The following PRAM1 variants were observed in gnomAD, a reference collection of about 807,000 sequenced individuals.
PRAM1 encodes PML-RARA regulated adaptor molecule 1.
Under a neutral mutation model 55.3 loss-of-function variants are expected in PRAM1, and 41 were observed. The ratio of observed to expected loss-of-function variants is 0.74; its 90% CI spans 0.58 to 0.96. The LOEUF is 0.96. PRAM1 is among the 40% of genes least tolerant of loss of function. The probability of loss-of-function intolerance (pLI) is 0.00; values close to 1 mark genes in which losing one functional copy is unlikely to be tolerated. For synonymous variants in PRAM1, 401 were observed against 387.1 expected, an observed-to-expected ratio of 1.04 and a Z score of -0.42; for missense variants, 898 against 892.7, an observed-to-expected ratio of 1.01 and a Z score of -0.08.
intron 1 of PRAM1, 65 bp from the exon 2 acceptor site, chr19:8,499,845 C>T: frequency 1.4e-6 from 2 of 1,393,408 alleles, no homozygotes; most frequent in South Asian, 2.7e-5. Context: ...AAGGATGGGC[C>T]TGGGGACCCT....
At position 8,490,554 on chromosome 19, in the gene PRAM1, G is replaced by C. The variant is rs762661919; in HGVS notation, c.1906+40C>G. ...GGTGGGTTCTGAGGCCCAGGGTGGCGGCGGGGACCTCCCGGGGCTGCGGGG... is the reference window on the plus strand; with the variant it reads ...GGTGGGTTCTGAGGCCCAGGGTGGCCGCGGGGACCTCCCGGGGCTGCGGGG... On this transcript the variant is annotated intron_variant, in intron 7 of 9. Transcript: ENST00000423345. The surrounding 1 kb of genome is among the most constrained non-coding windows in gnomAD (Gnocchi z 7.3). 6.2e-7 allele frequency: 1 copy of C among 1,600,266 alleles called. No homozygotes were observed. The highest frequency in any genetic ancestry group is 8.5e-7 in the Non-Finnish European group (1 of 1,173,832).
In PRAM1 at chr19:8,502,563, A is replaced by C. The variant is rs1336106694; in HGVS notation, c.27+2T>G. 1.3e-6 allele frequency: 2 copies of C among 1,537,742 alleles called. No individual in the cohort carries two copies. The highest frequency in any genetic ancestry group is 8.7e-7 in the Non-Finnish European group (1 of 1,144,582). ...GAGGCACAGGCCTCTTCCAGCACTC[A>C]CCATGGCTGCAGGCAGGTGATGGGC... On this transcript the variant is annotated splice_donor_variant, in intron 1 of 9. Coordinates refer to ENST00000423345, the MANE Select transcript of PRAM1 (RefSeq NM_032152.5). LOFTEE classifies it high-confidence loss of function.
intron 1 of PRAM1, among the ~76,000 whole-genome samples, chr19:8,501,098 C>CTTT (rs35262115): frequency 2.5e-5 from 3 of 118,148 alleles, no homozygotes; most frequent in South Asian, 2.6e-4. Flanking sequence ...TTCTTTCTTT[C>CTTT]TTTTTTTTTT....
intron 3 of PRAM1, 144 bp from the exon 4 acceptor site, chr19:8,497,984 C>G: frequency 1.4e-6 from 1 of 733,100 alleles, no homozygotes; most frequent in Non-Finnish European, 2.2e-6. Flanking sequence ...CGGGTTCAAG[C>G]GATTCTCCTG....
Position 8,499,277 on chromosome 19 carries a change from G to A in PRAM1, c.531C>T (p.Ala177=). 1 of 1,609,852 alleles carries A rather than the reference G, an allele frequency of 6.2e-7. No individual in the cohort carries two copies. Among genetic ancestry groups the A allele is most frequent in the Non-Finnish European group, 8.5e-7 (1 of 1,177,786 alleles). Residue 177 remains alanine (A), a synonymous_variant, in exon 2 of 10, where the codon GCC becomes GCT. Transcript: ENST00000423345. ...PLQPDELSHP[A]RPPSEPKSGA... is the part of the protein sequence containing the mutation. ...CGGATTTGGGTTCGGAGGGGGGTCTGGCGGGGTGACTGAGTTCGTCGGGCT... is the reference window on the plus strand; with the variant it reads ...CGGATTTGGGTTCGGAGGGGGGTCTAGCGGGGTGACTGAGTTCGTCGGGCT...
At chr19:8,498,032 C>T (rs540188023) in intron 3 of PRAM1, among the ~76,000 whole-genome samples, 191 bp downstream of exon 3, 1 of 152,038 alleles carries the variant, frequency 6.6e-6, no homozygotes, top group African/African-American at 2.4e-5. Context: ...CAGGTGCCCC[C>T]CACCACACCG....
intron 1 of PRAM1, among the ~76,000 whole-genome samples, chr19:8,500,542 C>T (rs1253349984): frequency 2.0e-5 from 3 of 152,054 alleles, no homozygotes; most frequent in Non-Finnish European, 4.4e-5. Flanking sequence ...TCCTCATGTC[C>T]CCACAGTTCA....
intron 4 of PRAM1, among the ~76,000 whole-genome samples, chr19:8,497,201 G>C (rs1266162186): frequency 1.4e-5 from 2 of 146,738 alleles, no homozygotes; most frequent in Non-Finnish European, 3.0e-5. Flanking sequence ...TTGAGACAGG[G>C]TGTTTGCTGC....
At position 8,498,927 on chromosome 19, in the gene PRAM1, G is replaced by C; in HGVS notation, c.881C>G (p.Thr294Ser). The C allele has an allele frequency of 6.2e-7, 1 of 1,613,778 alleles. No individual in the cohort carries two copies. The highest frequency in any genetic ancestry group is 8.5e-7 in the Non-Finnish European group (1 of 1,179,780). The change falls in exon 2 of 10, where the codon ACC (threonine) becomes AGC (serine). Residue 294 changes from threonine to serine, a missense_variant. This residue lies in a region of PRAM1 where 787 missense variants were observed against 735.4 expected (regional missense o/e 1.07). Coordinates refer to ENST00000423345, the MANE Select transcript of PRAM1 (RefSeq NM_032152.5). Reference protein sequence around the residue: ...KPPQPELGDLTRTSSEPEVSV... With the variant: ...KPPQPELGDLSRTSSEPEVSV... ...GACTTCGGGCTCTGAGGAGGTCCTG[G>C]TGAGGTCCCCAAGCTCAGGCTGCGG... is the stretch of plus-strand genomic sequence containing the variant.
chr19:8,498,423 C>A lies in PRAM1; in HGVS notation c.1385G>T (p.Gly462Val). The A allele has an allele frequency of 6.3e-6, 10 of 1,579,748 alleles. No individual in the cohort carries two copies. Among genetic ancestry groups the A allele is most frequent in the Non-Finnish European group, 8.6e-6 (10 of 1,161,540 alleles). The change falls in exon 2 of 10, where the codon GGG becomes GTG. Residue 462 changes from glycine to valine, a missense_variant. Gly to Val is a moderately radical substitution (Grantham distance 109, BLOSUM62 -3). This residue lies in a region of PRAM1 where 787 missense variants were observed against 735.4 expected (regional missense o/e 1.07). Transcript: ENST00000423345. The part of the protein sequence containing the change: ...HPPAKPPLPP[G>V]PVDMQSFRRP... ...CCGAAAGCTCTGCATATCCACGGGCCCCGGGGGCAGCGGGGGCTTGGCTGG... is the reference window on the plus strand; with the variant it reads ...CCGAAAGCTCTGCATATCCACGGGCACCGGGGGCAGCGGGGGCTTGGCTGG...
intron 1 of PRAM1, among the ~76,000 whole-genome samples, chr19:8,501,857 T>G (rs933790340): frequency 1.5e-4 from 23 of 152,118 alleles, no homozygotes; most frequent in African/African-American, 5.6e-4. Flanking sequence ...TACCCAGCTG[T>G]CCCAGCTGCC....
At position 8,490,431 on chromosome 19, in the gene PRAM1, C is replaced by A; in HGVS notation, c.1940+45G>T. The A allele has an allele frequency of 6.2e-7, 1 of 1,613,642 alleles. No individual in the cohort carries two copies. The highest frequency in any genetic ancestry group is 1.1e-5 in the South Asian group (1 of 91,040). On this transcript the variant is annotated intron_variant, in intron 8 of 9. Transcript: ENST00000423345. The surrounding 1 kb of genome is among the most constrained non-coding windows in gnomAD (Gnocchi z 7.3). ...CGTGGCCCATTCCCCCCACCCTGCA[C>A]CACACACCCCGCACTCCCCCACCAC...
chr19:8,496,120 G>A, intron 4 of PRAM1: 1 of 455,928 alleles, frequency 2.2e-6, no homozygotes, highest in Non-Finnish European at 4.4e-6. Flanking sequence ...AACACAACAG[G>A]TCTAAGTAAA....
chr19:8,500,076 AC>A (rs1489344191), intron 1 of PRAM1, among the ~76,000 whole-genome samples: 1 of 10,788 alleles, frequency 9.3e-5, no homozygotes, highest in Non-Finnish European at 2.0e-4. Context: ...GTGGTACCCC[AC>A]CCCCCCAGCA....
In PRAM1 at chr19:8,501,854, C is replaced by T. The variant is rs145823568; in HGVS notation, c.27+711G>A. On this transcript the variant is annotated intron_variant, in intron 1 of 9. Transcript: ENST00000423345. ...CAGGCGCTGTCTCCTGCATACCCAG[C>T]TGTCCCAGCTGCCCTCCTAGCTGGC... Among the ~76,000 whole-genome samples the T allele has an allele frequency of 9.6e-3, 1,458 of 152,306 alleles. 16 individuals carry two copies. Among genetic ancestry groups the T allele is most frequent in the South Asian group, 0.036 (174 of 4,828 alleles).
In PRAM1 at chr19:8,490,248, C is replaced by T; in HGVS notation, c.1976-22G>A. 1 of 1,609,838 alleles carries T rather than the reference C, an allele frequency of 6.2e-7. No homozygotes were observed. Among genetic ancestry groups the T allele is most frequent in the Non-Finnish European group, 8.5e-7 (1 of 1,177,500 alleles). On this transcript the variant is annotated intron_variant, in intron 9 of 9. Coordinates refer to ENST00000423345, the MANE Select transcript of PRAM1 (RefSeq NM_032152.5). The surrounding 1 kb of genome is among the most constrained non-coding windows in gnomAD (Gnocchi z 7.3). Reference sequence around the variant, plus strand: ...GGATCTGCCGAGGAAGCGTGACTTCCATGGACCCCTCTCCCCAGAAGCCCA... The same window carrying T: ...GGATCTGCCGAGGAAGCGTGACTTCTATGGACCCCTCTCCCCAGAAGCCCA...
chr19:8,498,415 C>T lies in PRAM1; in HGVS notation c.1393G>A (p.Asp465Asn). 6.3e-7 allele frequency: 1 copy of T among 1,577,880 alleles called. No homozygotes were observed. Among genetic ancestry groups the T allele is most frequent in the Non-Finnish European group, 8.6e-7 (1 of 1,160,184 alleles). The change falls in exon 2 of 10, where the codon GAT becomes AAT. Residue 465 changes from aspartate to asparagine, a missense_variant. Asp to Asn is a conservative substitution (Grantham distance 23). Around this residue, in one of 4 missense-constraint regions of PRAM1, gnomAD observed 787 missense variants for 735.4 expected, o/e 1.07. Transcript: ENST00000423345. ...GAGGGTCTCCGAAAGCTCTGCATAT[C>T]CACGGGCCCCGGGGGCAGCGGGGGC... ...AKPPLPPGPV[D>N]MQSFRRPSAA... is the part of the protein sequence containing the mutation.
At chr19:8,501,908 A>C (rs1836253767) in intron 1 of PRAM1, among the ~76,000 whole-genome samples, 1 of 152,184 alleles carries the variant, frequency 6.6e-6, no homozygotes, top group Non-Finnish European at 1.5e-5. Context: ...AGAGGTAGGC[A>C]GATTCACAAG....
chr19:8,498,721 T>G lies in PRAM1; in HGVS notation c.1087A>C (p.Ser363Arg), dbSNP rs777784615. The change falls in exon 2 of 10, where the codon AGC becomes CGC. Residue 363 changes from serine to arginine, a missense_variant. Ser to Arg is a moderately radical substitution (Grantham distance 110). Coordinates refer to ENST00000423345, the MANE Select transcript of PRAM1 (RefSeq NM_032152.5). ...PPRKFSQPEPSAVLKRHPQPE... is the reference protein window; with the variant it reads ...PPRKFSQPEPRAVLKRHPQPE... ...TGCGGGTGTCTCTTGAGGACAGCGC[T>G]GGGCTCAGGCTGTGAGAACTTGCGG... The G allele has an allele frequency of 2.5e-6, 4 of 1,589,456 alleles. No individual in the cohort carries two copies. Among genetic ancestry groups the G allele is most frequent in the Non-Finnish European group, 3.4e-6 (4 of 1,168,816 alleles).
Sources: allele counts gnomAD v4.1 joint callset (sites outside exome capture counted in the v4.1 genomes callset), GRCh38; gene constraint gnomAD v4.1.1; regional missense constraint gnomAD v4.1.1; non-coding constraint Gnocchi (gnomAD v3.1); transcripts MANE v1.5; gene names NCBI Gene and HGNC (gene_info 2026-07-23, HGNC 2026-07-21).